CHMP1A: variants seen among roughly 807,000 people sequenced by gnomAD.
The protein encoded by CHMP1A is charged multivesicular body protein 1A, also known as VPS46 homolog A.
Under a neutral mutation model 27.0 loss-of-function variants are expected in CHMP1A, and 17 were observed. The observed-to-expected ratio is 0.63, with a 90% CI of 0.43 to 0.95. The LOEUF (loss-of-function observed/expected upper bound fraction) is 0.95, where lower values mean the gene tolerates loss of function less well. Among genes scored for constraint, CHMP1A ranks in the 40% least tolerant of loss-of-function variants. The pLI is 0.00. For synonymous variants in CHMP1A, 131 were observed against 107.5 expected, an observed-to-expected ratio of 1.22 and a Z score of -1.35; for missense variants, 275 against 264.0, an observed-to-expected ratio of 1.04 and a Z score of -0.29.
chr16:89,646,685 G>A lies in CHMP1A; in HGVS notation c.411C>T (p.Thr137=), dbSNP rs1243966486. Residue 137 remains threonine, a synonymous_variant, in exon 6 of 7, where the codon ACC becomes ACT. Transcript: ENST00000397901. ...CCTGCTCCTGCGGCGTGGTCAGGGTGGTGGCCGAGCTCATGGAGTCCTCCA... is the reference window on the plus strand; with the variant it reads ...CCTGCTCCTGCGGCGTGGTCAGGGTAGTGGCCGAGCTCATGGAGTCCTCCA... ...SVMEDSMSSA[T]TLTTPQEQVD... is the part of the protein sequence containing the mutation. 5 of 1,610,506 alleles carry A rather than the reference G, an allele frequency of 3.1e-6. No homozygotes were observed. The South Asian group carries it at 4.4e-5, about 14-fold the overall frequency.
chr16:89,656,293 C>T (rs985175567), intron 1 of CHMP1A, among the ~76,000 whole-genome samples: 4 of 152,160 alleles, frequency 2.6e-5, no homozygotes, highest in Non-Finnish European at 2.9e-5. Flanking sequence ...CCCGCCACCA[C>T]GCCTGGCTAA....
chr16:89,651,760 C>T (rs2059826271), intron 2 of CHMP1A, 114 bp from the exon 3 acceptor site: 1 of 1,015,330 alleles, frequency 9.8e-7, no homozygotes, highest in Non-Finnish European at 1.4e-6. Flanking sequence ...TTCCTAAGCC[C>T]CCATCAGCCA....
chr16:89,647,457 A>C, intron 4 of CHMP1A, 126 bp from the exon 5 acceptor site: 7 of 801,794 alleles, frequency 8.7e-6, no homozygotes, highest in South Asian at 1.8e-5. Context: ...CAAAACCCCA[A>C]CTCTGGGCTG....
In CHMP1A at chr16:89,649,412, C is replaced by T. The variant is rs761001445; in HGVS notation, c.191G>A (p.Arg64Gln). ...RKKNEGVNWL[R>Q]MASRVDAVAS... ...CACTGCGTCTACGCGGGACGCCATC[C>T]GAAGCCAGTTCACACCTTCGTTCTT... Residue 64 changes from arginine (R) to glutamine (Q), a missense_variant, in exon 4 of 7, where the codon CGG becomes CAG. Arg to Gln is a conservative substitution (Grantham distance 43). Coordinates refer to ENST00000397901, the MANE Select transcript of CHMP1A (RefSeq NM_002768.5). 6.8e-6 allele frequency: 11 copies of T among 1,613,642 alleles called. No homozygotes were observed. Among genetic ancestry groups the T allele is most frequent in the African/African-American group, 1.3e-5 (1 of 74,938 alleles).
Position 89,646,047 on chromosome 16 carries a change from G to C in CHMP1A, c.*19C>G. ...CAGCACATCACGGGGCAGAGGCGGT[G>C]CACACCGGCGGGGCACGGCTAGTTC... On this transcript the variant is annotated 3_prime_UTR_variant, in exon 7 of 7. Coordinates refer to ENST00000397901, the MANE Select transcript of CHMP1A (RefSeq NM_002768.5). 1 of 1,582,538 alleles carries C rather than the reference G, an allele frequency of 6.3e-7. No homozygotes were observed. The highest frequency in any genetic ancestry group is 8.6e-7 in the Non-Finnish European group (1 of 1,164,786).
rs370480409 is a variant in CHMP1A at position 89,646,670 on chromosome 16, C to A, written c.426G>T (p.Pro142=). 3 of 1,610,492 alleles carry A rather than the reference C, an allele frequency of 1.9e-6. No individual in the cohort carries two copies. The highest frequency in any genetic ancestry group is 4.5e-5 in the East Asian group (2 of 44,838). The part of the protein sequence containing the change: ...SMSSATTLTT[P]QEQVDSLIMQ... Reference sequence around the variant, plus strand: ...TGATGAGGCTGTCCACCTGCTCCTGCGGCGTGGTCAGGGTGGTGGCCGAGC... The same window carrying A: ...TGATGAGGCTGTCCACCTGCTCCTGAGGCGTGGTCAGGGTGGTGGCCGAGC... The change falls in exon 6 of 7, where the codon CCG becomes CCT. Residue 142 remains proline, a synonymous_variant. Coordinates refer to ENST00000397901, the MANE Select transcript of CHMP1A (RefSeq NM_002768.5).
At chr16:89,653,192 G>T (rs1264125258) in intron 2 of CHMP1A, among the ~76,000 whole-genome samples, 35 of 149,924 alleles carry the variant, frequency 2.3e-4, no homozygotes, top group Non-Finnish European at 4.6e-4. Context: ...TAATTTTTTT[G>T]TGTGTTTTTA....
In CHMP1A at chr16:89,645,641, C is replaced by T; in HGVS notation, c.*425G>A. The stretch of plus-strand genomic sequence containing the variant: ...TGCCTCCTTGGGCTATGTCTGTCCA[C>T]ATGGTGGGACCTCCTGCCCGCTGAG... On this transcript the variant is annotated 3_prime_UTR_variant, in exon 7 of 7. Coordinates refer to ENST00000397901, the MANE Select transcript of CHMP1A (RefSeq NM_002768.5). The T allele has an allele frequency of 3.1e-6, 1 of 324,272 alleles. No homozygotes were observed. The highest frequency in any genetic ancestry group is 2.4e-5 in the South Asian group (1 of 41,356). 20.1% of individuals were successfully genotyped at this position (324,272 alleles called of 1,614,324 possible). A position where few individuals can be genotyped will look rare whatever the true frequency, so the allele number is the denominator to read the frequency against.
chr16:89,647,197 A>T lies in CHMP1A; in HGVS notation c.381+6T>A, dbSNP rs533877920. 11 of 1,608,420 alleles carry T rather than the reference A, an allele frequency of 6.8e-6. No homozygotes were observed. In the African/African-American group the frequency reaches 1.3e-4, roughly 20 times the overall value. On this transcript the variant is annotated splice_donor_region_variant and intron_variant, in intron 5 of 6. Coordinates refer to ENST00000397901, the MANE Select transcript of CHMP1A (RefSeq NM_002768.5). ...GGCCACAGCCCCAAGGGTAGGGGCC[A>T]CATACCGATGTATGGACGTCCAGGT... is the stretch of plus-strand genomic sequence containing the variant.
In CHMP1A at chr16:89,651,590, C is replaced by G. The variant is rs376691010; in HGVS notation, c.84G>C (p.Ala28=). ...LAKKAEKDSK[A]EQAKVKKALL... ...TCACCTTCTTCACTTTGGCCTGCTC[C>G]GCCTTGGAGTCCTTCTCCGCCTTCT... Residue 28 remains alanine, a synonymous_variant, in exon 3 of 7, where the codon GCG becomes GCC. Transcript: ENST00000397901. 6.2e-7 allele frequency: 1 copy of G among 1,613,756 alleles called. No individual in the cohort carries two copies. Among genetic ancestry groups the G allele is most frequent in the Admixed American group, 1.7e-5 (1 of 60,008 alleles).
Position 89,657,681 on chromosome 16 carries a change from G to T in CHMP1A, c.-93C>A, listed in dbSNP as rs553017774. The stretch of plus-strand genomic sequence containing the variant: ...CGGCGGCGATCGAACCGACCAAGCT[G>T]CACCCGGCGGGGACTTCCGGGGTCG... On this transcript the variant is annotated 5_prime_UTR_variant, in exon 1 of 7. Coordinates refer to ENST00000397901, the MANE Select transcript of CHMP1A (RefSeq NM_002768.5). 1.3e-6 allele frequency: 2 copies of T among 1,554,978 alleles called. No individual in the cohort carries two copies. The highest frequency in any genetic ancestry group is 2.8e-5 in the African/African-American group (2 of 72,418).
intron 1 of CHMP1A, among the ~76,000 whole-genome samples, chr16:89,654,807 G>A (rs2059851995): frequency 6.6e-6 from 1 of 152,140 alleles, no homozygotes; most frequent in Admixed American, 6.6e-5. Context: ...GCCAGGCGTG[G>A]TGGCGGGCGC....
At chr16:89,647,061 C>A in intron 5 of CHMP1A, 142 bp downstream of exon 5, 1 of 1,532,534 alleles carries the variant, frequency 6.5e-7, no homozygotes, top group Non-Finnish European at 8.7e-7. Flanking sequence ...AGGGACCCAG[C>A]ACAGAGGATG....
chr16:89,653,801 T>C, intron 2 of CHMP1A, 103 bp downstream of exon 2: 1 of 1,236,426 alleles, frequency 8.1e-7, no homozygotes, highest in Non-Finnish European at 1.2e-6. Context: ...CACTCAACTG[T>C]TATATAATCT....
chr16:89,644,905 C>G lies in CHMP1A; in HGVS notation c.*1161G>C, dbSNP rs554283279. On this transcript the variant is annotated 3_prime_UTR_variant, in exon 7 of 7. Coordinates refer to ENST00000397901, the MANE Select transcript of CHMP1A (RefSeq NM_002768.5). Reference sequence around the variant, plus strand: ...TACTTTGGCAAAAACAAAAACAAAACCTGGAAGCCTCAAGACAATGAAGTA... The same window carrying G: ...TACTTTGGCAAAAACAAAAACAAAAGCTGGAAGCCTCAAGACAATGAAGTA... 1.3e-5 allele frequency: 2 copies of G among 152,646 alleles called. No homozygotes were observed. Among genetic ancestry groups the G allele is most frequent in the African/African-American group, 4.8e-5 (2 of 41,476 alleles). The allele number at this position is 152,646 out of a possible 1,614,324, so 9.5% of individuals were successfully genotyped here. A position where few individuals can be genotyped will look rare whatever the true frequency, so the allele number is the denominator to read the frequency against.
chr16:89,649,236 C>T (rs1195570835), intron 4 of CHMP1A, 115 bp downstream of exon 4: 100 of 1,251,628 alleles, frequency 8.0e-5, no homozygotes, highest in Non-Finnish European at 1.1e-4. Context: ...AACCTCCCCA[C>T]CCCGCGCTGA....
In CHMP1A at chr16:89,647,345, G is replaced by C. The variant is rs758430703; in HGVS notation, c.253-14C>G. 9 of 1,601,380 alleles carry C rather than the reference G, an allele frequency of 5.6e-6. No homozygotes were observed. The highest frequency in any genetic ancestry group is 7.7e-6 in the Non-Finnish European group (9 of 1,170,400). On this transcript the variant is annotated splice_polypyrimidine_tract_variant and intron_variant, in intron 4 of 6. Coordinates refer to ENST00000397901, the MANE Select transcript of CHMP1A (RefSeq NM_002768.5). ...ATTCTTGGTCACCTGAGACAGGAGA[G>C]AGCGCAGGAGGGAACAGGATGAAAG...
At chr16:89,657,054 G>A (rs1362174804) in intron 1 of CHMP1A, among the ~76,000 whole-genome samples, 6 of 150,726 alleles carry the variant, frequency 4.0e-5, no homozygotes, top group Admixed American at 4.0e-4. Context: ...CCGAATCGGG[G>A]GTCGGGGATC....
intron 1 of CHMP1A, among the ~76,000 whole-genome samples, chr16:89,656,722 A>G (rs1006740344): frequency 1.3e-5 from 2 of 152,108 alleles, no homozygotes; most frequent in Non-Finnish European, 2.9e-5. Flanking sequence ...AGTCCTTCTG[A>G]TTTGCAGTGA....
Sources: allele counts gnomAD v4.1 joint callset (sites outside exome capture counted in the v4.1 genomes callset), GRCh38; gene constraint gnomAD v4.1.1; transcripts MANE v1.5; gene names NCBI Gene and HGNC (gene_info 2026-07-23, HGNC 2026-07-21).